Variants in GPR39 observed in about 807,000 individuals in gnomAD.
GPR39 encodes G protein-coupled receptor 39, also known as zinc sensing receptor.
A neutral mutation model predicts 18.4 loss-of-function variants in GPR39; 23 were observed. The ratio of observed to expected loss-of-function variants is 1.25; its 90% CI spans 0.90 to 1.77. GPR39 has a LOEUF of 1.77. Ranked by LOEUF, GPR39 falls within the 40% of genes most tolerant of loss-of-function variation. The probability of loss-of-function intolerance (pLI) is 0.00; values close to 1 mark genes in which losing one functional copy is unlikely to be tolerated. For synonymous variants in GPR39, 280 were observed against 257.9 expected, an observed-to-expected ratio of 1.09 and a Z score of -0.82; for missense variants, 647 against 602.4, an observed-to-expected ratio of 1.07 and a Z score of -0.78.
At chr2:132,462,386 G>A (rs1680850144) in intron 1 of GPR39, among the ~76,000 whole-genome samples, 1 of 152,154 alleles carries the variant, frequency 6.6e-6, no homozygotes, top group Non-Finnish European at 1.5e-5. Context: ...ACTTCTCAGG[G>A]GTAAACTGTA....
intron 1 of GPR39, among the ~76,000 whole-genome samples, chr2:132,542,819 G>C (rs1347225322): frequency 6.6e-6 from 1 of 152,148 alleles, no homozygotes; most frequent in Non-Finnish European, 1.5e-5. Flanking sequence ...TGTGGCAGTA[G>C]GGTCCCCTTT....
Position 132,417,814 on chromosome 2 carries a change from G to GC in GPR39, c.774dup (p.Gly259ArgfsTer148). On this transcript the variant is annotated frameshift_variant, in exon 1 of 2. Transcript: ENST00000329321. LOFTEE classifies it high-confidence loss of function. The stretch of plus-strand genomic sequence containing the variant: ...CATGAAAAGCCAGAAGGGCTCGCTG[G>GC]CCGGGGGCACGCGGCCTCCGCAGCT... The GC allele has an allele frequency of 6.2e-7, 1 of 1,613,978 alleles. No individual in the cohort carries two copies. The highest frequency in any genetic ancestry group is 8.5e-7 in the Non-Finnish European group (1 of 1,180,040).
At chr2:132,598,231 T>A (rs1320250376) in intron 1 of GPR39, among the ~76,000 whole-genome samples, 1 of 152,208 alleles carries the variant, frequency 6.6e-6, no homozygotes, top group Non-Finnish European at 1.5e-5. Flanking sequence ...AGGCACTGGC[T>A]GCTACATACA....
intron 1 of GPR39, among the ~76,000 whole-genome samples, chr2:132,476,662 A>G (rs1193341591): frequency 1.4e-5 from 2 of 142,700 alleles, no homozygotes; most frequent in Non-Finnish European, 3.0e-5. Context: ...AAAAAAAAAA[A>G]GATAGATATG....
chr2:132,643,769 C>T (rs567349596), intron 1 of GPR39, among the ~76,000 whole-genome samples: 15 of 152,294 alleles, frequency 9.8e-5, no homozygotes, highest in African/African-American at 3.4e-4. Context: ...ATCCTTCTGC[C>T]TTGGCCTCCC....
At chr2:132,450,200 C>T (rs191960328) in intron 1 of GPR39, among the ~76,000 whole-genome samples, 3 of 152,326 alleles carry the variant, frequency 2.0e-5, no homozygotes, top group Middle Eastern at 3.4e-3. Context: ...TCAAAACTAC[C>T]TGACTGATGT....
At chr2:132,538,356 T>C (rs1348786272) in intron 1 of GPR39, among the ~76,000 whole-genome samples, 5 of 152,254 alleles carry the variant, frequency 3.3e-5, no homozygotes, top group Non-Finnish European at 5.9e-5. Context: ...CAGACCCTGT[T>C]CACCTGGGTG....
chr2:132,455,824 G>C (rs1197000499), intron 1 of GPR39, among the ~76,000 whole-genome samples: 1 of 152,334 alleles, frequency 6.6e-6, no homozygotes, highest in Non-Finnish European at 1.5e-5. Context: ...GTTCTAATTT[G>C]ATTGCACTGG....
At chr2:132,530,523 T>C (rs961838380) in intron 1 of GPR39, among the ~76,000 whole-genome samples, 6 of 151,958 alleles carry the variant, frequency 3.9e-5, no homozygotes, top group Admixed American at 2.0e-4. Context: ...AGATACTCCT[T>C]GAGAAGACCA....
intron 1 of GPR39, among the ~76,000 whole-genome samples, chr2:132,517,023 TTAAC>T (rs1679346550): frequency 6.6e-6 from 1 of 152,156 alleles, no homozygotes; most frequent in Admixed American, 6.5e-5. Flanking sequence ...TCCTGGCTAA[TTAAC>T]TAACTGTATA....
At chr2:132,644,979 C>T in intron 1 of GPR39, 122 bp from the exon 2 acceptor site, 1 of 1,144,030 alleles carries the variant, frequency 8.7e-7, no homozygotes, top group Non-Finnish European at 1.2e-6. Context: ...AAATTGGTAC[C>T]ATTTCCTGGC....
chr2:132,560,143 C>G (rs1388761724), intron 1 of GPR39, among the ~76,000 whole-genome samples: 4 of 152,198 alleles, frequency 2.6e-5, no homozygotes, highest in African/African-American at 9.7e-5. Flanking sequence ...GCAACATCCT[C>G]AACCTCCAAC....
At chr2:132,574,152 T>C (rs115462184) in intron 1 of GPR39, among the ~76,000 whole-genome samples, 3,077 of 152,338 alleles carry the variant, frequency 0.02, 112 homozygotes, top group African/African-American at 0.068. Context: ...TTTGGTCATT[T>C]TGGATGTTTC....
Position 132,645,579 on chromosome 2 carries a change from G to T in GPR39, c.1335G>T (p.Glu445Asp), listed in dbSNP as rs1035250437. 3 of 1,613,702 alleles carry T rather than the reference G, an allele frequency of 1.9e-6. No homozygotes were observed. In the Admixed American group the frequency reaches 5.0e-5, roughly 27 times the overall value. ...SGAKPANSAAENGFQEHEV is the reference protein window; with the variant it reads ...SGAKPANSAADNGFQEHEV ...CGAAACCAGCCAATTCTGCTGCAGAGAATGGTTTTCAGGAGCATGAAGTTT... is the reference window on the plus strand; with the variant it reads ...CGAAACCAGCCAATTCTGCTGCAGATAATGGTTTTCAGGAGCATGAAGTTT... The change falls in exon 2 of 2, where the codon GAG (glutamate) becomes GAT (aspartate). Residue 445 changes from glutamate (E) to aspartate (D), a missense_variant. Coordinates refer to ENST00000329321, the MANE Select transcript of GPR39 (RefSeq NM_001508.3).
intron 1 of GPR39, among the ~76,000 whole-genome samples, chr2:132,613,631 C>A (rs1681273525): frequency 6.6e-6 from 1 of 152,238 alleles, no homozygotes; most frequent in Non-Finnish European, 1.5e-5. Context: ...ATCACCATCA[C>A]TTAGCAGAGT....
At chr2:132,458,563 T>A (rs73955699) in intron 1 of GPR39, among the ~76,000 whole-genome samples, 37 of 152,054 alleles carry the variant, frequency 2.4e-4, no homozygotes, top group African/African-American at 8.9e-4. Flanking sequence ...ATCTGCTCCA[T>A]GGCAATAGTT....
At chr2:132,611,104 T>C (rs2104850014) in intron 1 of GPR39, among the ~76,000 whole-genome samples, 1 of 152,336 alleles carries the variant, frequency 6.6e-6, no homozygotes, top group Middle Eastern at 3.4e-3. Flanking sequence ...CTGCAGAATT[T>C]TGAAGCACCC....
At chr2:132,479,299 A>G (rs546087205) in intron 1 of GPR39, among the ~76,000 whole-genome samples, 13 of 152,352 alleles carry the variant, frequency 8.5e-5, no homozygotes, top group African/African-American at 3.1e-4. Flanking sequence ...AATGTGACGC[A>G]TATGGTAAGA....
chr2:132,610,796 AAAG>A (rs1277461905), intron 1 of GPR39, among the ~76,000 whole-genome samples: 84 of 149,604 alleles, frequency 5.6e-4, no homozygotes, highest in Admixed American at 1.7e-3. Flanking sequence ...AAAAAAAAAA[AAAG>A]AAGAAGAAAT....
Sources: allele counts gnomAD v4.1 joint callset (sites outside exome capture counted in the v4.1 genomes callset), GRCh38; gene constraint gnomAD v4.1.1; transcripts MANE v1.5; gene names NCBI Gene and HGNC (gene_info 2026-07-23, HGNC 2026-07-21).